Variants in CA3 observed in about 807,000 individuals in gnomAD.
CA3 encodes the protein carbonic anhydrase 3, also known as CA-III.
In CA3, 30 loss-of-function variants were observed where a neutral mutation model predicts 35.7. The ratio of observed to expected loss-of-function variants is 0.84; its 90% CI spans 0.63 to 1.14. CA3 has a LOEUF of 1.14. Ranked by LOEUF, CA3 falls within the 50% of genes most tolerant of loss-of-function variation. The pLI is 0.00. For missense variants in CA3, 295 were observed against 328.5 expected (o/e 0.90, Z 0.79); for synonymous variants, 131 against 130.8 (o/e 1.00, Z -0.01).
chr8:85,443,531 C>G (rs1585999096), intron 3 of CA3, among the ~76,000 whole-genome samples: 1 of 152,160 alleles, frequency 6.6e-6, no homozygotes, highest in African/African-American at 2.4e-5. Context: ...ATCTAGAGAG[C>G]CATGGCAAGA....
intron 1 of CA3, among the ~76,000 whole-genome samples, 182 bp downstream of exon 1, chr8:85,439,125 T>C (rs1273260801): frequency 6.6e-6 from 1 of 152,234 alleles, no homozygotes; most frequent in Admixed American, 6.5e-5. Flanking sequence ...CTTCATCTCA[T>C]TTGGTTCTCC....
At chr8:85,439,972 GT>G in intron 2 of CA3, 63 bp downstream of exon 2, 1 of 1,306,934 alleles carries the variant, frequency 7.7e-7, no homozygotes, top group Non-Finnish European at 1.1e-6. Context: ...ACAAAATGTG[GT>G]TTATGACACA....
chr8:85,439,734 T>C lies in CA3; in HGVS notation c.57T>C (p.Leu19=). 6.2e-7 allele frequency: 1 copy of C among 1,613,848 alleles called. No individual in the cohort carries two copies. Among genetic ancestry groups the C allele is most frequent in the Admixed American group, 1.7e-5 (1 of 60,024 alleles). Residue 19 remains leucine (L), a synonymous_variant, in exon 2 of 7, where the codon CTT becomes CTC. Transcript: ENST00000285381. ...SHNGPDHWHE[L]FPNAKGENQS... ...TAGGTCCTGACCACTGGCATGAACTTTTCCCAAATGCCAAGGGGGAAAACC... is the reference window on the plus strand; with the variant it reads ...TAGGTCCTGACCACTGGCATGAACTCTTCCCAAATGCCAAGGGGGAAAACC...
chr8:85,447,924 C>CA, intron 6 of CA3, 110 bp from the exon 7 acceptor site: 9 of 1,040,514 alleles, frequency 8.6e-6, no homozygotes, highest in Non-Finnish European at 1.2e-5. Context: ...AACAAACAAA[C>CA]AAAAAAACCA....
intron 2 of CA3, 110 bp downstream of exon 2, chr8:85,440,019 T>A: frequency 1.3e-6 from 1 of 741,424 alleles, no homozygotes; most frequent in Non-Finnish European, 2.2e-6. Context: ...GCACTTTATC[T>A]TTTAAAATGC....
Position 85,444,065 on chromosome 8 carries a change from A to T in CA3, c.383A>T (p.Asn128Ile). The change falls in exon 4 of 7, where the codon AAC becomes ATC. Residue 128 changes from asparagine to isoleucine, a missense_variant. By Grantham distance (149) the Asn-to-Ile change is moderately radical. Transcript: ENST00000285381. ...LHLVHWNPKY[N>I]TFKEALKQRD... ...TTGGTTCACTGGAACCCGAAGTATA[A>T]CACTTTTAAAGAAGCCCTGAAGCAG... The T allele has an allele frequency of 9.9e-6, 16 of 1,613,764 alleles. No individual in the cohort carries two copies. Among genetic ancestry groups the T allele is most frequent in the Non-Finnish European group, 1.3e-5 (15 of 1,179,654 alleles).
At chr8:85,441,385 A>G (rs1811204307) in intron 2 of CA3, among the ~76,000 whole-genome samples, 2 of 152,168 alleles carry the variant, frequency 1.3e-5, no homozygotes, top group Non-Finnish European at 1.5e-5. Context: ...GTTTTCTGGG[A>G]AATTTCTGAA....
chr8:85,439,119 A>C (rs753606357), intron 1 of CA3, among the ~76,000 whole-genome samples, 176 bp downstream of exon 1: 1 of 152,082 alleles, frequency 6.6e-6, no homozygotes, highest in Non-Finnish European at 1.5e-5. Flanking sequence ...TTTTTCCTTC[A>C]TCTCATTTGG....
rs371183624 is a variant in CA3, at chr8:85,438,886, C to G, written c.-24C>G. The G allele has an allele frequency of 6.4e-7, 1 of 1,550,816 alleles. No homozygotes were observed. The highest frequency in any genetic ancestry group is 8.7e-7 in the Non-Finnish European group (1 of 1,146,934). On this transcript the variant is annotated 5_prime_UTR_variant, in exon 1 of 7. Coordinates refer to ENST00000285381, the MANE Select transcript of CA3 (RefSeq NM_005181.4). ...ACGCAGGGGAAGAGAAAGCAGGAGCCGTCCAGCACGGAGGAAGGCGACCAT... is the reference window on the plus strand; with the variant it reads ...ACGCAGGGGAAGAGAAAGCAGGAGCGGTCCAGCACGGAGGAAGGCGACCAT...
At chr8:85,446,630 TG>T (rs1286127515) in intron 6 of CA3, among the ~76,000 whole-genome samples, 1 of 152,198 alleles carries the variant, frequency 6.6e-6, no homozygotes, top group Non-Finnish European at 1.5e-5. Flanking sequence ...GGTAAGGAGA[TG>T]GGATGATAAA....
At chr8:85,444,164 G>A (rs1811246371) in intron 4 of CA3, 38 bp downstream of exon 4, 3 of 1,281,044 alleles carry the variant, frequency 2.3e-6, no homozygotes, top group Non-Finnish European at 3.4e-6. Context: ...CTTCCAAAAT[G>A]TATTTCCCTG....
chr8:85,443,938 C>T (rs1585999261), intron 3 of CA3, 96 bp from the exon 4 acceptor site: 2 of 893,042 alleles, frequency 2.2e-6, no homozygotes, highest in Middle Eastern at 2.5e-4. Flanking sequence ...GCTCAGCAAC[C>T]TTAGCCTGTA....
In CA3 at chr8:85,446,240, C is replaced by T. The variant is rs370798274; in HGVS notation, c.606C>T (p.Cys202=). ...AGGGCTCATTCACCACGCCGCCCTG[C>T]GAGGAATGCATTGTGTGGCTGCTGC... ...TYQGSFTTPP[C]EECIVWLLLK... Residue 202 remains cysteine, a synonymous_variant, in exon 6 of 7, where the codon TGC becomes TGT. Coordinates refer to ENST00000285381, the MANE Select transcript of CA3 (RefSeq NM_005181.4). 18 of 1,614,170 alleles carry T rather than the reference C, an allele frequency of 1.1e-5. No individual in the cohort carries two copies. In the East Asian group the frequency reaches 1.3e-4, roughly 12 times the overall value.
chr8:85,448,033 G>C lies in CA3; in HGVS notation c.664-1G>C. 1 of 1,610,690 alleles carries C rather than the reference G, an allele frequency of 6.2e-7. No individual in the cohort carries two copies. Among genetic ancestry groups the C allele is most frequent in the Non-Finnish European group, 8.5e-7 (1 of 1,178,510 alleles). The stretch of plus-strand genomic sequence containing the variant: ...TAACAGTCTGCCCCTGCCCTTTGCA[G>C]ATGGCCAAGCTGCGGAGCCTCCTCT... On this transcript the variant is annotated splice_acceptor_variant, in intron 6 of 6. Transcript: ENST00000285381. LOFTEE classifies it high-confidence loss of function.
chr8:85,441,110 C>G (rs1275513816), intron 2 of CA3, among the ~76,000 whole-genome samples: 2 of 152,160 alleles, frequency 1.3e-5, no homozygotes, highest in African/African-American at 2.4e-5. Context: ...TCATATAGGC[C>G]TAGCCTCATT....
chr8:85,442,309 G>A, intron 3 of CA3, 118 bp downstream of exon 3: 3 of 710,060 alleles, frequency 4.2e-6, no homozygotes. Flanking sequence ...CTATAGTTAT[G>A]AAAAGAGCTG....
chr8:85,446,278 T>C lies in CA3; in HGVS notation c.644T>C (p.Met215Thr). The change falls in exon 6 of 7, where the codon ATG becomes ACG. Residue 215 changes from methionine to threonine, a missense_variant. Met to Thr is a moderately conservative substitution (Grantham distance 81). Transcript: ENST00000285381. Reference protein sequence around the residue: ...CIVWLLLKEPMTVSSDQMAKL... With the variant: ...CIVWLLLKEPTTVSSDQMAKL... ...GTGTGGCTGCTGCTGAAGGAGCCCA[T>C]GACCGTGAGCTCTGACCAGGTGAGC... 1.2e-6 allele frequency: 2 copies of C among 1,613,866 alleles called. No homozygotes were observed. The highest frequency in any genetic ancestry group is 2.2e-5 in the South Asian group (2 of 91,032).
At chr8:85,447,295 T>C (rs538488022) in intron 6 of CA3, among the ~76,000 whole-genome samples, 52 of 152,310 alleles carry the variant, frequency 3.4e-4, no homozygotes, top group African/African-American at 1.2e-3. Context: ...TGATTTCTTT[T>C]TGCTCTTAAA....
chr8:85,445,270 T>A lies in CA3; in HGVS notation c.507+52T>A, dbSNP rs760783314. ...AAACATAAAGCAGATTATGCAGATTTTCTTTACATATTTTCAAGTATTTTT... is the reference window on the plus strand; with the variant it reads ...AAACATAAAGCAGATTATGCAGATTATCTTTACATATTTTCAAGTATTTTT... On this transcript the variant is annotated intron_variant, in intron 5 of 6. Transcript: ENST00000285381. 6 of 1,209,620 alleles carry A rather than the reference T, an allele frequency of 5.0e-6. No homozygotes were observed. The Admixed American group carries it at 8.5e-5, about 17-fold the overall frequency. 74.9% of individuals were successfully genotyped at this position (1,209,620 alleles called of 1,614,324 possible). A position where few individuals can be genotyped will look rare whatever the true frequency, so the allele number is the denominator to read the frequency against.
Sources: allele counts gnomAD v4.1 joint callset (sites outside exome capture counted in the v4.1 genomes callset), GRCh38; gene constraint gnomAD v4.1.1; transcripts MANE v1.5; gene names NCBI Gene and HGNC (gene_info 2026-07-23, HGNC 2026-07-21).